KCNQ1: variants seen among roughly 807,000 people sequenced by gnomAD.
The protein encoded by KCNQ1 is potassium voltage-gated channel subfamily Q member 1.
KCNQ1 carries 49 observed loss-of-function variants against 72.4 expected under a neutral mutation model. The observed-to-expected ratio is 0.68, with a 90% CI of 0.54 to 0.86. The LOEUF (loss-of-function observed/expected upper bound fraction) is 0.86. Among genes scored for constraint, KCNQ1 ranks in the 40% least tolerant of loss-of-function variants. The pLI, the probability that KCNQ1 is intolerant of heterozygous loss-of-function variation, is 0.00. For synonymous variants in KCNQ1, 450 were observed against 412.6 expected (o/e 1.09, Z -1.10); for missense variants, 790 against 945.1 (o/e 0.84, Z 2.15).
At chr11:2,791,639 C>T (rs546157144) in intron 15 of KCNQ1, among the ~76,000 whole-genome samples, 222 of 151,254 alleles carry the variant, frequency 1.5e-3, no homozygotes, top group African/African-American at 5.0e-3. Flanking sequence ...CAGCACGTCC[C>T]GGGCCCTCCC....
intron 15 of KCNQ1, among the ~76,000 whole-genome samples, chr11:2,819,020 C>T (rs958001257): frequency 4.6e-5 from 7 of 152,214 alleles, no homozygotes; most frequent in African/African-American, 1.7e-4. Flanking sequence ...TCCTCTCCAG[C>T]CCCTTTGAAA....
chr11:2,795,349 A>G (rs573441209), intron 15 of KCNQ1, among the ~76,000 whole-genome samples: 2 of 152,254 alleles, frequency 1.3e-5, no homozygotes, highest in Non-Finnish European at 2.9e-5. Flanking sequence ...CCAGGGTCTC[A>G]GGTGACCTGT....
At chr11:2,699,688 C>T (rs1234468206) in intron 11 of KCNQ1, 15 of 351,892 alleles carry the variant, frequency 4.3e-5, no homozygotes, top group South Asian at 1.3e-4. Context: ...CGAAAAGCCC[C>T]GGGTGCCCCG....
chr11:2,777,940 C>A (rs1473940709), intron 14 of KCNQ1, 36 bp from the exon 15 acceptor site: 1 of 1,608,262 alleles, frequency 6.2e-7, no homozygotes, highest in Non-Finnish European at 8.5e-7. Flanking sequence ...CCCACCCCAG[C>A]ACTTGGCCCT....
At chr11:2,778,093 C>T (rs1846745338) in intron 15 of KCNQ1, 56 bp downstream of exon 15, 4 of 1,530,470 alleles carry the variant, frequency 2.6e-6, no homozygotes, top group Non-Finnish European at 3.6e-6. Flanking sequence ...GGCCAGCAGG[C>T]ACCTCCCTGT....
At chr11:2,731,845 A>G (rs1228698944) in intron 11 of KCNQ1, among the ~76,000 whole-genome samples, 1 of 152,226 alleles carries the variant, frequency 6.6e-6, no homozygotes, top group Non-Finnish European at 1.5e-5. Context: ...GCGTCTGATC[A>G]CACCACTGCA....
At chr11:2,693,404 A>G (rs1034224259) in intron 11 of KCNQ1, 2 of 398,574 alleles carry the variant, frequency 5.0e-6, no homozygotes, top group East Asian at 7.1e-5. Flanking sequence ...GCCTGGGCCT[A>G]AGCTGGGAAT....
At position 2,710,840 on chromosome 11, in the gene KCNQ1, C is replaced by G. The variant is rs1484124878; in HGVS notation, c.1514+48759C>G. On this transcript the variant is annotated intron_variant, in intron 11 of 15. Transcript: ENST00000155840. This position sits in a 1 kb window ranked among gnomAD's most constrained non-coding sequence, Gnocchi z 4.1. ...AATTTTATTCTATTGATTTGTTTGT[C>G]TATCCTTATGCCAGTACTATATCGT... is the stretch of plus-strand genomic sequence containing the variant. Among the ~76,000 whole-genome samples, 1 of 152,182 alleles carries G rather than the reference C, an allele frequency of 6.6e-6. No homozygotes were observed. Among genetic ancestry groups the G allele is most frequent in the Admixed American group, 6.5e-5 (1 of 15,286 alleles).
rs931868601 is a variant in KCNQ1, at chr11:2,690,554, T to TAACA, written c.1514+28474_1514+28477dup. ...ACTGGGCCTAGGGAAGGACAAGAAG[T>TAACA]AACATGTCAAAGATGGGACAGAACC... On this transcript the variant is annotated intron_variant, in intron 11 of 15. Transcript: ENST00000155840. This position sits in a 1 kb window ranked among gnomAD's most constrained non-coding sequence, Gnocchi z 5.1. 3 of 398,488 alleles carry TAACA rather than the reference T, an allele frequency of 7.5e-6. No individual in the cohort carries two copies. The highest frequency in any genetic ancestry group is 1.3e-5 in the Non-Finnish European group (3 of 226,088). 24.7% of individuals were successfully genotyped at this position (398,488 alleles called of 1,614,324 possible).
In KCNQ1 at chr11:2,621,579, T is replaced by C. The variant is rs1440572305; in HGVS notation, c.1393+32725T>C. 2 of 398,466 alleles carry C rather than the reference T, an allele frequency of 5.0e-6. No homozygotes were observed. Among genetic ancestry groups the C allele is most frequent in the African/African-American group, 2.1e-5 (1 of 48,636 alleles). The allele number at this position is 398,466 out of a possible 1,614,324, so 24.7% of individuals were successfully genotyped here. A position where few individuals can be genotyped will look rare whatever the true frequency, so the allele number is the denominator to read the frequency against. On this transcript the variant is annotated intron_variant, in intron 10 of 15. Coordinates refer to ENST00000155840, the MANE Select transcript of KCNQ1 (RefSeq NM_000218.3). This position sits in a 1 kb window ranked among gnomAD's most constrained non-coding sequence, Gnocchi z 5.7. Reference sequence around the variant, plus strand: ...CTGTGATCTCTTTGCTATTGGTCTGTTCAGGCTTTCTATTCCTGATTTAAT... The same window carrying C: ...CTGTGATCTCTTTGCTATTGGTCTGCTCAGGCTTTCTATTCCTGATTTAAT...
At chr11:2,609,559 C>A in intron 10 of KCNQ1, 1 of 393,658 alleles carries the variant, frequency 2.5e-6, no homozygotes, top group Admixed American at 4.5e-5. Flanking sequence ...TGGTGTTGCT[C>A]ATATCTTCTG....
At position 2,627,074 on chromosome 11, in the gene KCNQ1, T is replaced by C. The variant is rs556058897; in HGVS notation, c.1394-34887T>C. The C allele has an allele frequency of 7.5e-6, 3 of 398,578 alleles. No homozygotes were observed. Among genetic ancestry groups the C allele is most frequent in the East Asian group, 7.1e-5 (2 of 28,058 alleles). 24.7% of individuals were successfully genotyped at this position (398,578 alleles called of 1,614,324 possible). ...ATGAACATAGGAGGTGTTTTCCCTT[T>C]ATGTCTACTTTAATTTCTTTCAGCA... On this transcript the variant is annotated intron_variant, in intron 10 of 15. Coordinates refer to ENST00000155840, the MANE Select transcript of KCNQ1 (RefSeq NM_000218.3). The surrounding 1 kb of genome is among the most constrained non-coding windows in gnomAD (Gnocchi z 4.9).
At chr11:2,706,572 T>C (rs2133912764) in intron 11 of KCNQ1, among the ~76,000 whole-genome samples, 1 of 152,368 alleles carries the variant, frequency 6.6e-6, no homozygotes, top group African/African-American at 2.4e-5. Context: ...GTAGGGTGAC[T>C]TGTCACACAG....
At chr11:2,689,068 G>C in intron 11 of KCNQ1, 6 of 398,812 alleles carry the variant, frequency 1.5e-5, no homozygotes, top group Non-Finnish European at 2.7e-5. Flanking sequence ...CCTCCTCCCC[G>C]GTGGCACATC....
In KCNQ1 at chr11:2,691,165, C is replaced by A. The variant is rs1414224477; in HGVS notation, c.1514+29084C>A. 2 of 398,502 alleles carry A rather than the reference C, an allele frequency of 5.0e-6. No individual in the cohort carries two copies. The highest frequency in any genetic ancestry group is 8.8e-5 in the Admixed American group (2 of 22,720). The allele number at this position is 398,502 out of a possible 1,614,324, so 24.7% of individuals were successfully genotyped here. On this transcript the variant is annotated intron_variant, in intron 11 of 15. Transcript: ENST00000155840. This position sits in a 1 kb window ranked among gnomAD's most constrained non-coding sequence, Gnocchi z 6.4. ...TGTGCTGGCCTCTGGCCTCTCACAG[C>A]CTTGGGAGGGGTGCTCAGAGCTCAG...
chr11:2,660,383 C>T, intron 10 of KCNQ1: 1 of 398,428 alleles, frequency 2.5e-6, no homozygotes, highest in East Asian at 3.6e-5. Flanking sequence ...TGTGGGAAAA[C>T]CTTCCTTTTT....
intron 11 of KCNQ1, among the ~76,000 whole-genome samples, chr11:2,737,749 C>T (rs1845983195): frequency 6.6e-6 from 1 of 152,188 alleles, no homozygotes; most frequent in Non-Finnish European, 1.5e-5. Flanking sequence ...CTATTAATGC[C>T]ATGTCCACCT....
In KCNQ1 at chr11:2,652,194, TG is replaced by T. The variant is rs1849768030; in HGVS notation, c.1394-9765del. The T allele has an allele frequency of 2.5e-6, 1 of 398,512 alleles. No individual in the cohort carries two copies. Among genetic ancestry groups the T allele is most frequent in the Admixed American group, 4.4e-5 (1 of 22,718 alleles). 24.7% of individuals were successfully genotyped at this position (398,512 alleles called of 1,614,324 possible). A position where few individuals can be genotyped will look rare whatever the true frequency, so the allele number is the denominator to read the frequency against. On this transcript the variant is annotated intron_variant, in intron 10 of 15. Coordinates refer to ENST00000155840, the MANE Select transcript of KCNQ1 (RefSeq NM_000218.3). The surrounding 1 kb of genome is among the most constrained non-coding windows in gnomAD (Gnocchi z 5.9). ...TGGGGCCCCAGCAGATGTCTGGATT[TG>T]GTAGCCAGGGCCTGGAGCCGGATGC...
rs929424313 is a variant in KCNQ1, at chr11:2,471,850, AG to A, written c.386+26368del. ...GGTGCGTGTGCACCTATGTGTGTATAGGTGTGTGTGTTTATGTATGGGTGTG... is the reference window on the plus strand; with the variant it reads ...GGTGCGTGTGCACCTATGTGTGTATAGTGTGTGTGTTTATGTATGGGTGTG... On this transcript the variant is annotated intron_variant, in intron 1 of 15. Coordinates refer to ENST00000155840, the MANE Select transcript of KCNQ1 (RefSeq NM_000218.3). The surrounding 1 kb of genome is among the most constrained non-coding windows in gnomAD (Gnocchi z 4.8). Among the ~76,000 whole-genome samples the A allele has an allele frequency of 6.7e-6, 1 of 149,410 alleles. No individual in the cohort carries two copies. The highest frequency in any genetic ancestry group is 1.5e-5 in the Non-Finnish European group (1 of 67,384).
Sources: gnomAD v4.1 joint callset for allele counts (sites outside exome capture counted in the v4.1 genomes callset) on GRCh38, gnomAD v4.1.1 for gene constraint, Gnocchi (gnomAD v3.1) non-coding constraint, MANE v1.5 for transcripts, NCBI Gene and HGNC (gene_info 2026-07-23, HGNC 2026-07-21) for gene names.